The following IMMP2L variants were observed in gnomAD, a reference collection of about 807,000 sequenced individuals.
IMMP2L encodes mitochondrial inner membrane protease subunit 2.
A neutral mutation model predicts 19.3 loss-of-function variants in IMMP2L; 18 were observed. That is an observed-to-expected ratio of 0.93 (90% confidence interval 0.64 to 1.38). The LOEUF is 1.38. Among genes scored for constraint, IMMP2L ranks in the 40% most tolerant of loss-of-function variants. The pLI is 0.00. For missense variants in IMMP2L, 233 were observed against 218.2 expected, an observed-to-expected ratio of 1.07 and a Z score of -0.43; for synonymous variants, 76 against 73.0, an observed-to-expected ratio of 1.04 and a Z score of -0.21.
chr7:111,123,838 T>C lies in IMMP2L; in HGVS notation c.240-160273A>G, dbSNP rs1800952560. On this transcript the variant is annotated intron_variant, in intron 3 of 5. Transcript: ENST00000405709. The surrounding 1 kb of genome is among the most constrained non-coding windows in gnomAD (Gnocchi z 6.4). ...TGCCCTGTACCATGGTACCATTGAG[T>C]CTCTGCCAAACCTCAAGGAAATCAG... The C allele has an allele frequency of 6.2e-7, 1 of 1,613,756 alleles. No individual in the cohort carries two copies. The highest frequency in any genetic ancestry group is 1.3e-5 in the African/African-American group (1 of 74,874).
At chr7:111,250,168 A>G (rs1815927346) in intron 3 of IMMP2L, among the ~76,000 whole-genome samples, 1 of 152,132 alleles carries the variant, frequency 6.6e-6, no homozygotes, top group South Asian at 2.1e-4. Context: ...TCCTACAAAG[A>G]GAATAAAATA....
chr7:111,503,831 A>G (rs1310133054), intron 2 of IMMP2L, among the ~76,000 whole-genome samples: 28 of 151,980 alleles, frequency 1.8e-4, no homozygotes, highest in Non-Finnish European at 4.4e-5. Flanking sequence ...CAAAATAATA[A>G]GAGCTATCTA....
At chr7:111,179,383 T>A (rs1292808104) in intron 3 of IMMP2L, among the ~76,000 whole-genome samples, 3 of 151,180 alleles carry the variant, frequency 2.0e-5, no homozygotes, top group Non-Finnish European at 4.4e-5. Context: ...TTTTTGCAAT[T>A]TTTTTTTTAG....
chr7:111,358,609 T>G (rs896019958), intron 3 of IMMP2L, among the ~76,000 whole-genome samples: 8 of 152,152 alleles, frequency 5.3e-5, no homozygotes, highest in African/African-American at 1.9e-4. Flanking sequence ...ATAGTTGCAC[T>G]GAAAGGCTCC....
chr7:111,010,924 GGCCATCAGA>G (rs1824875361), intron 3 of IMMP2L, among the ~76,000 whole-genome samples: 2 of 144,880 alleles, frequency 1.4e-5, no homozygotes, highest in Admixed American at 1.4e-4. Flanking sequence ...TGCTTAATGA[GGCCATCAGA>G]GCTGGACAAA....
At chr7:111,121,201 T>C (rs1469288634) in intron 3 of IMMP2L, among the ~76,000 whole-genome samples, 4 of 151,930 alleles carry the variant, frequency 2.6e-5, no homozygotes, top group Non-Finnish European at 4.4e-5. Context: ...TTTGATGGGG[T>C]TGTTTGTTTT....
chr7:110,949,692 T>C (rs181170103), intron 4 of IMMP2L, among the ~76,000 whole-genome samples: 2 of 152,162 alleles, frequency 1.3e-5, no homozygotes, highest in Admixed American at 6.6e-5. Flanking sequence ...CTATATACTG[T>C]CTGTCTTTTT....
chr7:110,933,178 T>C (rs1361941586), intron 4 of IMMP2L, among the ~76,000 whole-genome samples: 1 of 152,176 alleles, frequency 6.6e-6, no homozygotes, highest in Non-Finnish European at 1.5e-5. Context: ...AGGAAGAGCC[T>C]GGTGGAGACA....
intron 5 of IMMP2L, among the ~76,000 whole-genome samples, chr7:110,852,503 G>T (rs548520726): frequency 6.6e-6 from 1 of 151,990 alleles, no homozygotes; most frequent in Non-Finnish European, 1.5e-5. Context: ...GAAAATTTTT[G>T]ATCTTCTATA....
intron 4 of IMMP2L, among the ~76,000 whole-genome samples, chr7:110,926,413 C>T (rs949200391): frequency 2.6e-5 from 4 of 152,044 alleles, no homozygotes; most frequent in African/African-American, 9.7e-5. Flanking sequence ...GTGTTTTCAT[C>T]TAAGAAGTAA....
intron 2 of IMMP2L, among the ~76,000 whole-genome samples, chr7:111,510,764 C>T (rs190731765): frequency 6.6e-6 from 1 of 152,218 alleles, no homozygotes; most frequent in Admixed American, 6.5e-5. Flanking sequence ...GCACAGAAAC[C>T]CCAAAAAGGC....
chr7:111,124,578 C>A, intron 3 of IMMP2L: 1 of 1,613,672 alleles, frequency 6.2e-7, no homozygotes, highest in Non-Finnish European at 8.5e-7. Context: ...ATCAGAAAAA[C>A]AGAAAAAAAT....
At chr7:111,218,391 T>C (rs1224888238) in intron 3 of IMMP2L, among the ~76,000 whole-genome samples, 2 of 152,150 alleles carry the variant, frequency 1.3e-5, no homozygotes, top group African/African-American at 2.4e-5. Context: ...TATGCTATTA[T>C]GTTGTATCGC....
chr7:110,971,247 G>C (rs1820116057), intron 3 of IMMP2L, among the ~76,000 whole-genome samples: 1 of 152,138 alleles, frequency 6.6e-6, no homozygotes, highest in African/African-American at 2.4e-5. Flanking sequence ...ATATTGTAGG[G>C]TATGAGATGC....
intron 5 of IMMP2L, among the ~76,000 whole-genome samples, chr7:110,670,714 CA>C (rs1471786395): frequency 1.8e-3 from 262 of 144,646 alleles, no homozygotes; most frequent in East Asian, 5.4e-3. Flanking sequence ...ACAAAAAAAA[CA>C]AAAAAAACCC....
intron 2 of IMMP2L, among the ~76,000 whole-genome samples, chr7:111,520,403 G>C (rs1563304650): frequency 1.3e-5 from 2 of 152,048 alleles, no homozygotes; most frequent in Admixed American, 6.6e-5. Context: ...CTGACCTTCT[G>C]TATCTGACTA....
At chr7:110,981,356 T>G (rs1195861370) in intron 3 of IMMP2L, among the ~76,000 whole-genome samples, 1 of 152,104 alleles carries the variant, frequency 6.6e-6, no homozygotes, top group Non-Finnish European at 1.5e-5. Flanking sequence ...TACAGTTAGG[T>G]TTATACTGGG....
intron 3 of IMMP2L, among the ~76,000 whole-genome samples, chr7:111,253,652 T>C (rs1394356369): frequency 1.3e-5 from 2 of 152,186 alleles, no homozygotes; most frequent in African/African-American, 4.8e-5. Flanking sequence ...AAGGTGTGTG[T>C]TGCAGAAAGA....
chr7:111,341,307 G>T (rs187886170), intron 3 of IMMP2L, among the ~76,000 whole-genome samples: 57 of 152,064 alleles, frequency 3.7e-4, no homozygotes, highest in Admixed American at 1.8e-3. Flanking sequence ...TATTTACTAT[G>T]AGCCACTGTT....
Sources: gnomAD v4.1 joint callset for allele counts (sites outside exome capture counted in the v4.1 genomes callset) on GRCh38, gnomAD v4.1.1 for gene constraint, Gnocchi (gnomAD v3.1) non-coding constraint, MANE v1.5 for transcripts, NCBI Gene and HGNC (gene_info 2026-07-23, HGNC 2026-07-21) for gene names.